PTPRS: variants seen among roughly 807,000 people sequenced by gnomAD.
PTPRS encodes receptor-type tyrosine-protein phosphatase S.
A neutral mutation model predicts 215.3 loss-of-function variants in PTPRS; 63 were observed. The ratio of observed to expected loss-of-function variants is 0.29; its 90% CI spans 0.24 to 0.36. PTPRS has a LOEUF of 0.36. PTPRS is among the 10% of genes least tolerant of loss of function. The pLI, the probability that PTPRS is intolerant of heterozygous loss-of-function variation, is 1.00. For missense variants in PTPRS, 2,258 were observed against 2,825.8 expected (o/e 0.80, Z 4.56); for synonymous variants, 1,404 against 1,191.4 (o/e 1.18, Z -3.68).
chr19:5,240,318 T>C lies in PTPRS; in HGVS notation c.1585A>G (p.Met529Val), dbSNP rs1196402998. ...GACCTGGCCTCGGCCCGCAGGTTCA[T>C]GGGCTGGCCCGGCACTGTGGGGGTG... is the stretch of plus-strand genomic sequence containing the variant. ...KTQQGVPGQP[M>V]NLRAEARSET... Residue 529 changes from methionine (M) to valine (V), a missense_variant, in exon 12 of 38, where the codon ATG (methionine) becomes GTG (valine). By Grantham distance (21) the Met-to-Val change is conservative. Coordinates refer to ENST00000262963, the MANE Select transcript of PTPRS (RefSeq NM_002850.4). 1 of 1,602,972 alleles carries C rather than the reference T, an allele frequency of 6.2e-7. No individual in the cohort carries two copies. The highest frequency in any genetic ancestry group is 1.7e-5 in the Admixed American group (1 of 58,670).
intron 5 of PTPRS, among the ~76,000 whole-genome samples, chr19:5,263,554 G>A (rs1196336452): frequency 5.9e-5 from 9 of 152,198 alleles, no homozygotes; most frequent in Admixed American, 5.2e-4. Flanking sequence ...AGAGGGGTGT[G>A]TGGAGGTGCA....
rs948263095 is a variant in PTPRS at position 5,237,463 on chromosome 19, G to A, written c.1849+1456C>T. Among the ~76,000 whole-genome samples the A allele has an allele frequency of 1.2e-4, 19 of 152,216 alleles. No individual in the cohort carries two copies. The highest frequency in any genetic ancestry group is 2.1e-4 in the Non-Finnish European group (14 of 68,046). On this transcript the variant is annotated intron_variant, in intron 13 of 37. Coordinates refer to ENST00000262963, the MANE Select transcript of PTPRS (RefSeq NM_002850.4). The surrounding 1 kb of genome is among the most constrained non-coding windows in gnomAD (Gnocchi z 4.2). ...CTTTCTAGGTGACCGTGTAGGTCAC[G>A]TCCTTCACAATCCGGCCCAACCTGC...
intron 1 of PTPRS, among the ~76,000 whole-genome samples, chr19:5,306,987 G>A (rs935793355): frequency 7.2e-5 from 11 of 152,158 alleles, no homozygotes; most frequent in African/African-American, 2.7e-4. Context: ...AATGTCTATC[G>A]ATAGGAGATT....
intron 32 of PTPRS, 51 bp downstream of exon 32, chr19:5,211,914 C>T: frequency 6.5e-7 from 1 of 1,549,028 alleles, no homozygotes; most frequent in Non-Finnish European, 8.7e-7. Flanking sequence ...ATTTTCGGCT[C>T]TTTGGGCCTC....
Position 5,245,818 on chromosome 19 carries a change from TG to T in PTPRS, c.945del (p.Ser316AlafsTer13). 6.2e-7 allele frequency: 1 copy of T among 1,612,982 alleles called. No homozygotes were observed. The highest frequency in any genetic ancestry group is 1.3e-5 in the African/African-American group (1 of 75,036). On this transcript the variant is annotated frameshift_variant, in exon 10 of 38. Transcript: ENST00000262963. LOFTEE classifies it high-confidence loss of function. ...DSANYTCVAM[S>X]SLGVIEAVAQ... ...GCAACCGCCTCAATGACGCCCAGGC[TG>T]GACATGGCCACGCAGGTGTAGTTGG...
rs1015329031 is a variant in PTPRS, at chr19:5,293,411, G to A, written c.-94-7177C>T. ...CCGGAAGTGGGGCGGGGGGACCAGA[G>A]GGGAGCCCCATCTGGAGGCGCGGAG... On this transcript the variant is annotated intron_variant, in intron 1 of 37. Transcript: ENST00000262963. The surrounding 1 kb of genome is among the most constrained non-coding windows in gnomAD (Gnocchi z 8.4). 1.1e-4 allele frequency among the ~76,000 whole-genome samples: 16 copies of A among 151,740 alleles called. No individual in the cohort carries two copies. Among genetic ancestry groups the A allele is most frequent in the Non-Finnish European group, 1.8e-4 (12 of 67,838 alleles).
intron 13 of PTPRS, among the ~76,000 whole-genome samples, chr19:5,233,890 G>A (rs1340841772): frequency 7.9e-6 from 1 of 126,560 alleles, no homozygotes; most frequent in East Asian, 2.5e-4. Context: ...AAGTTGCAGT[G>A]AGCCAAGATC....
chr19:5,290,131 G>A (rs1329291380), intron 1 of PTPRS, among the ~76,000 whole-genome samples: 3 of 152,212 alleles, frequency 2.0e-5, no homozygotes, highest in East Asian at 1.9e-4. Flanking sequence ...CTGAACCCAT[G>A]TGGGGCTCAG....
rs148569819 is a variant in PTPRS at position 5,269,564 on chromosome 19, C to A, written c.379+3878G>T. On this transcript the variant is annotated intron_variant, in intron 4 of 37. Coordinates refer to ENST00000262963, the MANE Select transcript of PTPRS (RefSeq NM_002850.4). ...GGGTCAGGGTATCCAAGGCCCCGGGCCCCAGCAGGAAGAATGAGCTCCCAG... is the reference window on the plus strand; with the variant it reads ...GGGTCAGGGTATCCAAGGCCCCGGGACCCAGCAGGAAGAATGAGCTCCCAG... 4.7e-3 allele frequency among the ~76,000 whole-genome samples: 717 copies of A among 152,056 alleles called. 2 individuals are homozygous for A. The highest frequency in any genetic ancestry group is 0.01 in the Middle Eastern group (3 of 294).
intron 1 of PTPRS, among the ~76,000 whole-genome samples, chr19:5,300,910 A>C (rs1192210922): frequency 6.6e-6 from 1 of 152,228 alleles, no homozygotes. Flanking sequence ...GGTGCTGGCC[A>C]ATAGCACAGA....
intron 13 of PTPRS, among the ~76,000 whole-genome samples, chr19:5,235,529 G>C (rs2043369792): frequency 6.6e-6 from 1 of 152,240 alleles, no homozygotes; most frequent in Admixed American, 6.5e-5. Context: ...TCACACTTAG[G>C]CCACCTCTTT....
At chr19:5,224,358 C>T (rs2042286115) in intron 17 of PTPRS, among the ~76,000 whole-genome samples, 1 of 152,160 alleles carries the variant, frequency 6.6e-6, no homozygotes, top group South Asian at 2.1e-4. Flanking sequence ...GAAGTGAGGA[C>T]TCAGAGAACC....
intron 9 of PTPRS, among the ~76,000 whole-genome samples, chr19:5,246,674 C>G (rs533487787): frequency 1.3e-5 from 2 of 152,190 alleles, no homozygotes; most frequent in Non-Finnish European, 2.9e-5. Flanking sequence ...ACAGAGGGAG[C>G]CTGAGATGTC....
At chr19:5,325,129 T>G (rs1361795800) in intron 1 of PTPRS, among the ~76,000 whole-genome samples, 1 of 152,188 alleles carries the variant, frequency 6.6e-6, no homozygotes, top group African/African-American at 2.4e-5. Context: ...CCCATTCTTA[T>G]CTATGACACC....
At chr19:5,219,737 C>T (rs2041810720) in intron 22 of PTPRS, among the ~76,000 whole-genome samples, 1 of 152,210 alleles carries the variant, frequency 6.6e-6, no homozygotes, top group African/African-American at 2.4e-5. Context: ...CTCCTACTCA[C>T]CCCTCAACGC....
At chr19:5,228,324 G>A (rs377537813) in intron 16 of PTPRS, among the ~76,000 whole-genome samples, 127 of 121,640 alleles carry the variant, frequency 1.0e-3, no homozygotes, top group African/African-American at 4.1e-3. Context: ...CAGCCCGGGC[G>A]ATAGTGTGAG....
At chr19:5,305,939 CAAAAAAAAAAA>C (rs35165317) in intron 1 of PTPRS, among the ~76,000 whole-genome samples, 24 of 22,636 alleles carry the variant, frequency 1.1e-3, no homozygotes, top group African/African-American at 2.7e-3. Context: ...GACTCCGTCT[CAAAAAAAAAAA>C]AAAAAAAAAA....
Position 5,219,328 on chromosome 19 carries a change from G to A in PTPRS, c.3905C>T (p.Ala1302Val). The change falls in exon 23 of 38, where the codon GCT becomes GTT. Residue 1302 changes from alanine to valine, a missense_variant. Physicochemically the swap from Ala to Val is moderately conservative, Grantham distance 64. Coordinates refer to ENST00000262963, the MANE Select transcript of PTPRS (RefSeq NM_002850.4). Reference protein sequence around the residue: ...AVVFIICIVIAILLYKNKPDS... With the variant: ...AVVFIICIVIVILLYKNKPDS... ...GGCTTACTTCTTGTAGAGCAGGATA[G>A]CAATGACAATGCAGATTATGAAGAC... is the stretch of plus-strand genomic sequence containing the variant. The A allele has an allele frequency of 1.2e-6, 2 of 1,614,116 alleles. No individual in the cohort carries two copies. The highest frequency in any genetic ancestry group is 2.2e-5 in the East Asian group (1 of 44,880).
At chr19:5,260,878 C>G in intron 6 of PTPRS, 56 bp from the exon 7 acceptor site, 1 of 1,596,852 alleles carries the variant, frequency 6.3e-7, no homozygotes, top group Admixed American at 1.7e-5. Flanking sequence ...GTTGGGGGGC[C>G]GGGGGGCCCC....
Sources: gnomAD v4.1 joint callset for allele counts (sites outside exome capture counted in the v4.1 genomes callset) on GRCh38, gnomAD v4.1.1 for gene constraint, Gnocchi (gnomAD v3.1) non-coding constraint, MANE v1.5 for transcripts, NCBI Gene and HGNC (gene_info 2026-07-23, HGNC 2026-07-21) for gene names.